Variants in SPDL1 observed in about 807,000 individuals in gnomAD.
SPDL1 encodes the protein spindle apparatus coiled-coil protein 1.
In SPDL1, 85 loss-of-function variants were observed where a neutral mutation model predicts 79.5. The observed-to-expected ratio is 1.07, with a 90% CI of 0.90 to 1.28. The LOEUF is 1.28. Ranked by LOEUF, SPDL1 falls within the 50% of genes most tolerant of loss-of-function variation. The probability of loss-of-function intolerance (pLI) is 0.00; values close to 1 mark genes in which losing one functional copy is unlikely to be tolerated. For synonymous variants in SPDL1, 269 were observed against 240.3 expected, an observed-to-expected ratio of 1.12 and a Z score of -1.10; for missense variants, 703 against 697.8, an observed-to-expected ratio of 1.01 and a Z score of -0.08.
Position 169,593,458 on chromosome 5 carries a change from A to C in SPDL1, c.441A>C (p.Glu147Asp). Residue 147 changes from glutamate to aspartate, a missense_variant, in exon 4 of 12, where the codon GAA (glutamate) becomes GAC (aspartate). Glu to Asp is a conservative substitution (Grantham distance 45). Coordinates refer to ENST00000265295, the MANE Select transcript of SPDL1 (RefSeq NM_017785.5). ...AACTCCTCTCTTGTAAATCAGAGGA[A>C]CTGCGCGTAATGTCTGAACGTGTGC... is the stretch of plus-strand genomic sequence containing the variant. ...QKELLSCKSE[E>D]LRVMSERVQE... The C allele has an allele frequency of 3.7e-6, 6 of 1,614,148 alleles. No homozygotes were observed. The highest frequency in any genetic ancestry group is 2.2e-5 in the East Asian group (1 of 44,882).
intron 8 of SPDL1, among the ~76,000 whole-genome samples, 172 bp downstream of exon 8, chr5:169,596,873 A>C (rs1755613575): frequency 6.6e-6 from 1 of 152,168 alleles, no homozygotes; most frequent in Non-Finnish European, 1.5e-5. Flanking sequence ...TTCTTGCCTG[A>C]AACATAATTC....
At chr5:169,585,257 GTC>G (rs139104732) in intron 1 of SPDL1, among the ~76,000 whole-genome samples, 8,083 of 152,186 alleles carry the variant, frequency 0.053, 245 homozygotes, top group Non-Finnish European at 0.058. Context: ...GCATACATCT[GTC>G]TCTCTTGCAC....
intron 7 of SPDL1, among the ~76,000 whole-genome samples, chr5:169,594,966 G>A (rs1436121089): frequency 6.6e-6 from 1 of 152,142 alleles, no homozygotes; most frequent in Admixed American, 6.5e-5. Flanking sequence ...GTAGAAGAAA[G>A]AAAAGTATTT....
intron 3 of SPDL1, among the ~76,000 whole-genome samples, chr5:169,592,242 A>T (rs1755329672): frequency 8.5e-6 from 1 of 117,808 alleles, no homozygotes; most frequent in Admixed American, 1.1e-4. Flanking sequence ...TTTGAGGCAG[A>T]GTCTCACACT....
At position 169,594,158 on chromosome 5, in the gene SPDL1, A is replaced by T; in HGVS notation, c.545A>T (p.Glu182Val). Residue 182 changes from glutamate (E) to valine (V), a missense_variant, in exon 5 of 12, where the codon GAA (glutamate) becomes GTA (valine). Glu to Val is a moderately radical substitution (Grantham distance 121). Coordinates refer to ENST00000265295, the MANE Select transcript of SPDL1 (RefSeq NM_017785.5). ...CCTGTTAAATAGACCACCCTCAAAG[A>T]AGAAGTGAATGAACTACAATACAGA... ...EMESMKTTLK[E>V]EVNELQYRQE... 1 of 1,603,884 alleles carries T rather than the reference A, an allele frequency of 6.2e-7. No homozygotes were observed. The highest frequency in any genetic ancestry group is 1.1e-5 in the South Asian group (1 of 88,318).
At chr5:169,594,941 A>C (rs1284650918) in intron 7 of SPDL1, among the ~76,000 whole-genome samples, 2 of 152,146 alleles carry the variant, frequency 1.3e-5, no homozygotes, top group Non-Finnish European at 2.9e-5. Flanking sequence ...TTTGACTTAA[A>C]TCTTTCTTTG....
intron 3 of SPDL1, among the ~76,000 whole-genome samples, chr5:169,592,670 C>T (rs1231837803): frequency 6.6e-6 from 1 of 152,066 alleles, no homozygotes; most frequent in Non-Finnish European, 1.5e-5. Context: ...ATTTGAGGCC[C>T]TAATGACTGA....
At chr5:169,584,233 T>G (rs535700736) in intron 1 of SPDL1, 4 of 152,162 alleles carry the variant, frequency 2.6e-5, no homozygotes, top group Admixed American at 2.6e-4. Flanking sequence ...GTTTCAGAGA[T>G]AGCGCATAAG....
chr5:169,594,182 G>A lies in SPDL1; in HGVS notation c.569G>A (p.Arg190Lys). Residue 190 changes from arginine to lysine, a missense_variant, in exon 5 of 12, where the codon AGA becomes AAA. Physicochemically the swap from Arg to Lys is conservative, Grantham distance 26. Transcript: ENST00000265295. ...GAAGAAGTGAATGAACTACAATACA[G>A]ACAAGAACAGCTAGAACTTCTTATT... ...LKEEVNELQY[R>K]QEQLELLITN... The A allele has an allele frequency of 6.2e-7, 1 of 1,613,352 alleles. No homozygotes were observed. Among genetic ancestry groups the A allele is most frequent in the Non-Finnish European group, 8.5e-7 (1 of 1,179,682 alleles).
At chr5:169,604,019 A>ATTTG (rs1756064476) in intron 11 of SPDL1, 41 bp from the exon 12 acceptor site, 1 of 1,576,566 alleles carries the variant, frequency 6.3e-7, no homozygotes, top group Non-Finnish European at 8.6e-7. Context: ...AATCCTTCAT[A>ATTTG]ACCACATTTG....
chr5:169,596,499 A>C (rs906342095), intron 7 of SPDL1, 62 bp from the exon 8 acceptor site: 1 of 1,379,022 alleles, frequency 7.3e-7, no homozygotes, highest in Non-Finnish European at 1.0e-6. Context: ...GTATCAAAAA[A>C]GTAGTTATCA....
chr5:169,591,223 A>AAC lies in SPDL1; in HGVS notation c.335_336insAC (p.Ile113ArgfsTer2). On this transcript the variant is annotated frameshift_variant and splice_region_variant, in exon 3 of 12. Coordinates refer to ENST00000265295, the MANE Select transcript of SPDL1 (RefSeq NM_017785.5). LOFTEE classifies it high-confidence loss of function. Reference sequence around the variant, plus strand: ...CAGGAAGTGAATGAACTAAAAACTAAGGTTGGGATATCTGCGTATTTCAGC... The same window carrying AAC: ...CAGGAAGTGAATGAACTAAAAACTAAACGGTTGGGATATCTGCGTATTTCAGC... 1 of 1,612,088 alleles carries AAC rather than the reference A, an allele frequency of 6.2e-7. No individual in the cohort carries two copies. Among genetic ancestry groups the AAC allele is most frequent in the Non-Finnish European group, 8.5e-7 (1 of 1,179,134 alleles).
chr5:169,594,361 T>C (rs372158196), intron 5 of SPDL1, 33 bp from the exon 6 acceptor site: 8 of 1,612,390 alleles, frequency 5.0e-6, no homozygotes, highest in African/African-American at 1.3e-5. Context: ...TAATGTAATC[T>C]CTGTTGCCTA....
At chr5:169,597,570 A>G (rs1179199239) in intron 8 of SPDL1, among the ~76,000 whole-genome samples, 2 of 152,080 alleles carry the variant, frequency 1.3e-5, no homozygotes, top group East Asian at 3.8e-4. Flanking sequence ...GCTTTCATTT[A>G]CAAACATCTT....
At chr5:169,603,337 C>T (rs1350094598) in intron 11 of SPDL1, among the ~76,000 whole-genome samples, 2 of 151,760 alleles carry the variant, frequency 1.3e-5, no homozygotes, top group African/African-American at 2.4e-5. Context: ...TTTCTTTATT[C>T]TACTAGTTGA....
chr5:169,601,054 A>G (rs1471407855), intron 10 of SPDL1, among the ~76,000 whole-genome samples: 1 of 152,244 alleles, frequency 6.6e-6, no homozygotes, highest in African/African-American at 2.4e-5. Flanking sequence ...AAAATATTGA[A>G]TTCCCAAGGA....
At chr5:169,594,336 A>T in intron 5 of SPDL1, 42 bp downstream of exon 5, 1 of 1,612,532 alleles carries the variant, frequency 6.2e-7, no homozygotes. Context: ...AATTTATCAT[A>T]ACTTATTTTC....
chr5:169,597,420 G>A (rs1397575619), intron 8 of SPDL1, among the ~76,000 whole-genome samples: 3 of 151,860 alleles, frequency 2.0e-5, no homozygotes, highest in Admixed American at 6.6e-5. Flanking sequence ...TTCTGTCTAC[G>A]CCATTGGTCT....
Position 169,594,164 on chromosome 5 carries a change from TGAATGAACTACAATACAGACAA to T in SPDL1, c.555_576del (p.Glu186SerfsTer2). 1 of 1,605,272 alleles carries T rather than the reference TGAATGAACTACAATACAGACAA, an allele frequency of 6.2e-7. No individual in the cohort carries two copies. The highest frequency in any genetic ancestry group is 8.5e-7 in the Non-Finnish European group (1 of 1,177,738). On this transcript the variant is annotated frameshift_variant, in exon 5 of 12. Coordinates refer to ENST00000265295, the MANE Select transcript of SPDL1 (RefSeq NM_017785.5). LOFTEE classifies it high-confidence loss of function. ...AAATAGACCACCCTCAAAGAAGAAG[TGAATGAACTACAATACAGACAA>T]GAACAGCTAGAACTTCTTATTACTA...
Sources: gnomAD v4.1 joint callset for allele counts (sites outside exome capture counted in the v4.1 genomes callset) on GRCh38, gnomAD v4.1.1 for gene constraint, MANE v1.5 for transcripts, NCBI Gene and HGNC (gene_info 2026-07-23, HGNC 2026-07-21) for gene names.